Variants in RYR3 observed in about 807,000 individuals in gnomAD.
RYR3 encodes the protein ryanodine receptor 3.
In RYR3, 207 loss-of-function variants were observed where a neutral mutation model predicts 584.3. The observed-to-expected ratio is 0.35, with a 90% CI of 0.32 to 0.40. RYR3 has a LOEUF of 0.40. Ranked by LOEUF, RYR3 falls within the 10% of genes least tolerant of loss-of-function variation. The pLI, the probability that RYR3 is intolerant of heterozygous loss-of-function variation, is 1.00. For missense variants in RYR3, 5,616 were observed against 6,089.2 expected (o/e 0.92, Z 2.59); for synonymous variants, 2,416 against 2,248.5 (o/e 1.07, Z -2.11).
chr15:33,425,904 A>G (rs1216029563), intron 1 of RYR3, among the ~76,000 whole-genome samples: 4 of 152,152 alleles, frequency 2.6e-5, no homozygotes, highest in Non-Finnish European at 5.9e-5. Context: ...GGCCTCCCAA[A>G]GTGCTCGGAT....
intron 1 of RYR3, among the ~76,000 whole-genome samples, chr15:33,428,082 C>T (rs935057676): frequency 2.6e-5 from 4 of 152,164 alleles, no homozygotes; most frequent in African/African-American, 2.4e-5. Context: ...TTGTAAGCTC[C>T]TTGAAGGTAA....
chr15:33,737,861 G>A (rs566392720), intron 49 of RYR3, among the ~76,000 whole-genome samples: 13 of 152,274 alleles, frequency 8.5e-5, no homozygotes, highest in Admixed American at 5.2e-4. Context: ...TGCTGGGATG[G>A]AAACATTACT....
chr15:33,712,212 A>G (rs1294853962), intron 43 of RYR3, among the ~76,000 whole-genome samples: 1 of 152,174 alleles, frequency 6.6e-6, no homozygotes, highest in African/African-American at 2.4e-5. Context: ...AGACAGCCTC[A>G]AGCCATGAGG....
intron 3 of RYR3, among the ~76,000 whole-genome samples, chr15:33,508,492 A>G (rs1383764955): frequency 6.6e-6 from 1 of 152,086 alleles, no homozygotes; most frequent in Admixed American, 6.6e-5. Flanking sequence ...TACTAAAAAT[A>G]CAAAAAAATT....
At chr15:33,333,172 A>G (rs910605925) in intron 1 of RYR3, among the ~76,000 whole-genome samples, 1 of 152,040 alleles carries the variant, frequency 6.6e-6, no homozygotes, top group Non-Finnish European at 1.5e-5. Context: ...AACTATTCTG[A>G]AAAATGGAAA....
intron 13 of RYR3, among the ~76,000 whole-genome samples, chr15:33,580,676 T>G (rs1431063384): frequency 2.6e-5 from 4 of 152,178 alleles, no homozygotes; most frequent in African/African-American, 9.7e-5. Context: ...CAGCTGTGTG[T>G]GACCACAGAC....
At chr15:33,453,477 A>G (rs2047302589) in intron 1 of RYR3, among the ~76,000 whole-genome samples, 1 of 152,354 alleles carries the variant, frequency 6.6e-6, no homozygotes, top group Non-Finnish European at 1.5e-5. Flanking sequence ...AAAGTCTTAT[A>G]TATTGATTGC....
intron 100 of RYR3, among the ~76,000 whole-genome samples, chr15:33,860,023 C>T (rs1164983624): frequency 1.3e-5 from 2 of 152,184 alleles, no homozygotes; most frequent in African/African-American, 4.8e-5. Flanking sequence ...TCTCCTGTGG[C>T]TAGTCTTGTC....
chr15:33,645,942 T>C (rs1370322918), intron 28 of RYR3, among the ~76,000 whole-genome samples: 1 of 152,050 alleles, frequency 6.6e-6, no homozygotes, highest in Non-Finnish European at 1.5e-5. Flanking sequence ...TGGGATTACT[T>C]TTTCCCCTTC....
intron 102 of RYR3, among the ~76,000 whole-genome samples, chr15:33,861,863 G>C (rs568641537): frequency 1.1e-4 from 17 of 152,064 alleles, no homozygotes; most frequent in Non-Finnish European, 2.1e-4. Flanking sequence ...GACCTCAGGT[G>C]ATCTGCCTGC....
chr15:33,408,873 A>G (rs2043197632), intron 1 of RYR3, among the ~76,000 whole-genome samples: 1 of 152,240 alleles, frequency 6.6e-6, no homozygotes, highest in East Asian at 1.9e-4. Context: ...CCTATAGAAT[A>G]GAAAAACAAA....
rs143350361 is a variant in RYR3 at position 33,579,857 on chromosome 15, G to A, written c.1269-119G>A. 2.7e-4 allele frequency: 157 copies of A among 591,244 alleles called. No individual in the cohort carries two copies. The East Asian group carries it at 4.2e-3, about 16-fold the overall frequency. The allele number at this position is 591,244 out of a possible 1,614,324, so 36.6% of individuals were successfully genotyped here. ...TTTTGTAGCTGCTGGTACAGTGGCC[G>A]CCCAAGGAAGCAACTCATGGTGCAC... On this transcript the variant is annotated intron_variant, in intron 12 of 103. Coordinates refer to ENST00000634891, the MANE Select transcript of RYR3 (RefSeq NM_001036.6).
At chr15:33,708,856 G>C (rs184866257) in intron 43 of RYR3, among the ~76,000 whole-genome samples, 2 of 152,160 alleles carry the variant, frequency 1.3e-5, no homozygotes, top group African/African-American at 2.4e-5. Context: ...CTGCTGTGTC[G>C]TTCCCCTATT....
intron 1 of RYR3, among the ~76,000 whole-genome samples, chr15:33,314,258 C>T (rs1280085834): frequency 6.6e-6 from 1 of 152,156 alleles, no homozygotes. Flanking sequence ...TTTTCCCTCC[C>T]ACTGCTGTTG....
intron 1 of RYR3, among the ~76,000 whole-genome samples, chr15:33,336,456 G>A (rs191062363): frequency 2.0e-3 from 31 of 15,548 alleles, no homozygotes; most frequent in African/African-American, 9.0e-3. Flanking sequence ...GAGAGAGAGA[G>A]AGAGAGAGAG....
At chr15:33,625,558 A>G (rs1321211089) in intron 20 of RYR3, among the ~76,000 whole-genome samples, 1 of 152,166 alleles carries the variant, frequency 6.6e-6, no homozygotes, top group African/African-American at 2.4e-5. Flanking sequence ...CTGTGAATTA[A>G]GCTCATATGG....
chr15:33,505,036 T>G (rs774515481), intron 3 of RYR3, among the ~76,000 whole-genome samples: 18 of 152,238 alleles, frequency 1.2e-4, no homozygotes, highest in Non-Finnish European at 2.4e-4. Flanking sequence ...TTTTCTTCGC[T>G]ACTGGAGAGT....
In RYR3 at chr15:33,328,105, C is replaced by T. The variant is rs922928594; in HGVS notation, c.51+17009C>T. 2.6e-5 allele frequency among the ~76,000 whole-genome samples: 4 copies of T among 152,308 alleles called. No homozygotes were observed. In the East Asian group the frequency reaches 5.8e-4, roughly 22 times the overall value. Reference sequence around the variant, plus strand: ...GATATAGCCCTAATGGCCAACACAGCATTTCACCTATAGCATGTGCCAAAT... The same window carrying T: ...GATATAGCCCTAATGGCCAACACAGTATTTCACCTATAGCATGTGCCAAAT... On this transcript the variant is annotated intron_variant, in intron 1 of 103. Transcript: ENST00000634891.
intron 67 of RYR3, among the ~76,000 whole-genome samples, chr15:33,788,827 G>A (rs146251258): frequency 1.0e-3 from 159 of 152,328 alleles, no homozygotes; most frequent in African/African-American, 3.7e-3. Flanking sequence ...GGCTTTAAGC[G>A]ATAGGAGTGA....
Sources: allele counts gnomAD v4.1 joint callset (sites outside exome capture counted in the v4.1 genomes callset), GRCh38; gene constraint gnomAD v4.1.1; transcripts MANE v1.5; gene names NCBI Gene and HGNC (gene_info 2026-07-23, HGNC 2026-07-21).